Variants in ERCC5 observed in about 807,000 individuals in gnomAD.
ERCC5 encodes the protein DNA excision repair protein ERCC-5.
A neutral mutation model predicts 105.6 loss-of-function variants in ERCC5; 68 were observed. That is an observed-to-expected ratio of 0.64 (90% CI 0.53 to 0.79). The LOEUF (loss-of-function observed/expected upper bound fraction) is 0.79. ERCC5 is among the 30% of genes least tolerant of loss of function. ERCC5 has a pLI of 0.00. For synonymous variants in ERCC5, 546 were observed against 526.2 expected (o/e 1.04, Z -0.51); for missense variants, 1,373 against 1,426.7 (o/e 0.96, Z 0.61).
At chr13:102,872,059 A>C (rs1382702822) in intron 12 of ERCC5, 139 bp from the exon 13 acceptor site, 2 of 1,045,298 alleles carry the variant, frequency 1.9e-6, no homozygotes, top group Non-Finnish European at 2.8e-6. Context: ...AATAGTACTA[A>C]AATTAATAAA....
intron 4 of ERCC5, 85 bp from the exon 5 acceptor site, chr13:102,855,967 A>G (rs1164773152): frequency 2.2e-6 from 3 of 1,358,832 alleles, no homozygotes; most frequent in Admixed American, 3.4e-5. Flanking sequence ...TGTAGCCCGT[A>G]TAACGAGCAG....
chr13:102,875,155 C>G, intron 14 of ERCC5, 152 bp from the exon 15 acceptor site: 2 of 843,244 alleles, frequency 2.4e-6, no homozygotes, highest in Non-Finnish European at 1.8e-6. Flanking sequence ...CAGTAATTCA[C>G]TGGGAGAGAA....
chr13:102,867,969 A>C lies in ERCC5; in HGVS notation c.2534-144A>C, dbSNP rs56358045. The C allele has an allele frequency of 4.4e-5, 38 of 858,348 alleles. No individual in the cohort carries two copies. The East Asian group carries it at 6.5e-4, about 15-fold the overall frequency. The allele number at this position is 858,348 out of a possible 1,614,324, so 53.2% of individuals were successfully genotyped here. On this transcript the variant is annotated intron_variant, in intron 11 of 14. Transcript: ENST00000652225. Reference sequence around the variant, plus strand: ...TATTAACAGAATGCCATTGAATAAAATAATTTATTTTCAAATAATAAGATA... The same window carrying C: ...TATTAACAGAATGCCATTGAATAAACTAATTTATTTTCAAATAATAAGATA...
chr13:102,861,022 C>T (rs1413780619), intron 6 of ERCC5, among the ~76,000 whole-genome samples: 5 of 133,926 alleles, frequency 3.7e-5, no homozygotes, highest in Non-Finnish European at 7.7e-5. Flanking sequence ...AAGTCTCGCT[C>T]TTGTCCCTCA....
chr13:102,857,465 G>C (rs1882467731), intron 5 of ERCC5, among the ~76,000 whole-genome samples: 1 of 152,200 alleles, frequency 6.6e-6, no homozygotes, highest in Non-Finnish European at 1.5e-5. Context: ...TGACAGGTCT[G>C]TCCTACGTGT....
Position 102,862,721 on chromosome 13 carries a change from G to T in ERCC5, c.1572G>T (p.Pro524=), listed in dbSNP as rs776326992. 1.9e-6 allele frequency: 3 copies of T among 1,614,186 alleles called. No homozygotes were observed. In the Admixed American group the frequency reaches 5.0e-5, roughly 27 times the overall value. Residue 524 remains proline (P), a synonymous_variant, in exon 8 of 15, where the codon CCG becomes CCT. Coordinates refer to ENST00000652225, the MANE Select transcript of ERCC5 (RefSeq NM_000123.4). Reference sequence around the variant, plus strand: ...TCCCGAATGGAAGGGAACTGACACCGGCATCTCCAACTTGTACAAATTCTG... The same window carrying T: ...TCCCGAATGGAAGGGAACTGACACCTGCATCTCCAACTTGTACAAATTCTG... ...PGLPNGRELT[P]ASPTCTNSVS...
chr13:102,854,324 A>G lies in ERCC5; in HGVS notation c.417A>G (p.Arg139=). 1 of 1,614,234 alleles carries G rather than the reference A, an allele frequency of 6.2e-7. No homozygotes were observed. ...EALPSLTQVR[R]ENDLYVLPPL... ...TACCCAGTCTTACCCAAGTTCGAAG[A>G]GAAAACGACCTCTATGTTTTGCCTC... Residue 139 remains arginine (R), a synonymous_variant, in exon 4 of 15, where the codon AGA becomes AGG. Transcript: ENST00000652225.
Position 102,851,901 on chromosome 13 carries a change from A to G in ERCC5, c.89-217A>G, listed in dbSNP as rs558379679. 2.5e-3 allele frequency among the ~76,000 whole-genome samples: 384 copies of G among 152,228 alleles called. 2 individuals carry two copies. Among genetic ancestry groups the G allele is most frequent in the Non-Finnish European group, 2.6e-3 (179 of 68,010 alleles). ...AAAAGGATATGTCTGTCTTTGTATG[A>G]TTTTAAAATGCAGTATGTGAATAGG... On this transcript the variant is annotated intron_variant, in intron 1 of 14. Transcript: ENST00000652225.
rs1882292830 is a variant in ERCC5 at position 102,853,809 on chromosome 13, C to CA, written c.318dup (p.Glu107ArgfsTer23). ...GCGTCCAGTGACTCCAGGAAAACGACAGAGAAGCTTCTGAAAACATTTTTG... is the reference window on the plus strand; with the variant it reads ...GCGTCCAGTGACTCCAGGAAAACGACAAGAGAAGCTTCTGAAAACATTTTTG... On this transcript the variant is annotated frameshift_variant, in exon 3 of 15. Transcript: ENST00000652225. LOFTEE classifies it high-confidence loss of function. The CA allele has an allele frequency of 6.2e-7, 1 of 1,614,178 alleles. No individual in the cohort carries two copies. The highest frequency in any genetic ancestry group is 1.1e-5 in the South Asian group (1 of 91,084).
rs761469402 is a variant in ERCC5, at chr13:102,872,332, A to C, written c.2813A>C (p.Lys938Thr). 1.2e-5 allele frequency: 19 copies of C among 1,614,090 alleles called. No homozygotes were observed. Among genetic ancestry groups the C allele is most frequent in the Non-Finnish European group, 1.6e-5 (19 of 1,180,042 alleles). ...PNPAVAEAYL[K>T]PVVDDSKGSF... is the part of the protein sequence containing the mutation. ...CCAGCTGTTGCCGAGGCCTACCTCA[A>C]ACCCGTGGTGGATGACTCGAAGGGA... The change falls in exon 13 of 15, where the codon AAA (lysine) becomes ACA (threonine). Residue 938 changes from lysine to threonine, a missense_variant. By Grantham distance (78) the Lys-to-Thr change is moderately conservative. Transcript: ENST00000652225.
At chr13:102,851,061 ATAAGTTATC>A (rs1882182930) in intron 1 of ERCC5, among the ~76,000 whole-genome samples, 1 of 152,238 alleles carries the variant, frequency 6.6e-6, no homozygotes, top group Non-Finnish European at 1.5e-5. Context: ...AGATGAAAAT[ATAAGTTATC>A]TTTAGTCTCA....
At chr13:102,860,929 A>G (rs185778060) in intron 6 of ERCC5, among the ~76,000 whole-genome samples, 29 of 152,228 alleles carry the variant, frequency 1.9e-4, no homozygotes, top group Admixed American at 1.8e-3. Flanking sequence ...ACTGCTATGC[A>G]TTACATGCTC....
At chr13:102,861,351 T>C (rs540418340) in intron 6 of ERCC5, among the ~76,000 whole-genome samples, 156 bp from the exon 7 acceptor site, 1 of 152,318 alleles carries the variant, frequency 6.6e-6, no homozygotes, top group South Asian at 2.1e-4. Flanking sequence ...AAGGAAGCTG[T>C]AGTTTTTCTT....
chr13:102,870,411 A>C (rs1254037850), intron 12 of ERCC5, among the ~76,000 whole-genome samples: 1 of 152,078 alleles, frequency 6.6e-6, no homozygotes, highest in African/African-American at 2.4e-5. Flanking sequence ...ACTGGGCATG[A>C]ATCCTTCAGT....
Position 102,875,379 on chromosome 13 carries a change from C to T in ERCC5, c.3037C>T (p.Gln1013Ter). 6.2e-7 allele frequency: 1 copy of T among 1,613,826 alleles called. No homozygotes were observed. Among genetic ancestry groups the T allele is most frequent in the Non-Finnish European group, 8.5e-7 (1 of 1,179,974 alleles). ...AGAAGATGCTAAACGTATTAAGAGC[C>T]AGAGACTAAACAGAGCTGTGACATG... Reference protein sequence around the residue: ...EKEDAKRIKSQRLNRAVTCML... With the variant: ...EKEDAKRIKS Residue 1013 changes from glutamine to a stop codon, truncating the protein, a stop_gained, in exon 15 of 15, where the codon CAG (glutamine) becomes TAG (stop). Coordinates refer to ENST00000652225, the MANE Select transcript of ERCC5 (RefSeq NM_000123.4). LOFTEE classifies it low-confidence loss of function (END_TRUNC).
intron 6 of ERCC5, among the ~76,000 whole-genome samples, chr13:102,860,924 TATG>T (rs1390212409): frequency 4.6e-5 from 7 of 152,194 alleles, no homozygotes; most frequent in African/African-American, 1.7e-4. Context: ...TAGTGACTGC[TATG>T]CATTACATGC....
intron 6 of ERCC5, among the ~76,000 whole-genome samples, chr13:102,858,709 C>T (rs376092284): frequency 3.9e-5 from 6 of 152,160 alleles, no homozygotes; most frequent in Admixed American, 6.5e-5. Flanking sequence ...TTCCAAAACA[C>T]GCTTATCTTG....
In ERCC5 at chr13:102,865,615, A is replaced by T; in HGVS notation, c.1955-52A>T. On this transcript the variant is annotated intron_variant, in intron 8 of 14. Coordinates refer to ENST00000652225, the MANE Select transcript of ERCC5 (RefSeq NM_000123.4). The surrounding 1 kb of genome is among the most constrained non-coding windows in gnomAD (Gnocchi z 4.0). ...CCAGAAAGCTCTTGATGATTGCAGG[A>T]TCATTTTAATGTTTTGATTGTAGAT... 2 of 1,605,842 alleles carry T rather than the reference A, an allele frequency of 1.2e-6. No individual in the cohort carries two copies. Among genetic ancestry groups the T allele is most frequent in the Non-Finnish European group, 1.7e-6 (2 of 1,176,626 alleles).
In ERCC5 at chr13:102,859,542, C is replaced by T. The variant is rs1437324663; in HGVS notation, c.672+1124C>T. ...TGAGTATGAAAGGATCTCTGGCTGG[C>T]AGTTGAGGAAGTAGAATTTTGGTTG... On this transcript the variant is annotated intron_variant, in intron 6 of 14. Coordinates refer to ENST00000652225, the MANE Select transcript of ERCC5 (RefSeq NM_000123.4). 3.9e-5 allele frequency among the ~76,000 whole-genome samples: 6 copies of T among 152,180 alleles called. No homozygotes were observed. In the East Asian group the frequency reaches 9.6e-4, roughly 24 times the overall value.
Sources: allele counts gnomAD v4.1 joint callset (sites outside exome capture counted in the v4.1 genomes callset), GRCh38; gene constraint gnomAD v4.1.1; non-coding constraint Gnocchi (gnomAD v3.1); transcripts MANE v1.5; gene names NCBI Gene and HGNC (gene_info 2026-07-23, HGNC 2026-07-21).